TBC1D22B: variants seen among roughly 807,000 people sequenced by gnomAD.
TBC1D22B encodes TBC1 domain family member 22B.
TBC1D22B carries 32 observed loss-of-function variants against 69.1 expected under a neutral mutation model. That is an observed-to-expected ratio of 0.46 (90% CI 0.35 to 0.62). The LOEUF (loss-of-function observed/expected upper bound fraction) is 0.62. TBC1D22B is among the 20% of genes least tolerant of loss of function. TBC1D22B has a pLI of 0.00. For missense variants in TBC1D22B, 462 were observed against 630.9 expected (o/e 0.73, Z 2.87); for synonymous variants, 206 against 229.8 (o/e 0.90, Z 0.94).
intron 1 of TBC1D22B, among the ~76,000 whole-genome samples, chr6:37,261,387 G>A (rs57137816): frequency 0.031 from 4,595 of 148,260 alleles, 227 homozygotes; most frequent in African/African-American, 0.11. Context: ...AACTGAGATT[G>A]CGTCACTCCA....
At chr6:37,287,790 T>A (rs1767055244) in intron 7 of TBC1D22B, among the ~76,000 whole-genome samples, 2 of 152,228 alleles carry the variant, frequency 1.3e-5, no homozygotes, top group African/African-American at 4.8e-5. Flanking sequence ...GACACATGGG[T>A]TGCTTTCACC....
At chr6:37,306,711 C>G (rs556835277) in intron 8 of TBC1D22B, among the ~76,000 whole-genome samples, 4 of 152,200 alleles carry the variant, frequency 2.6e-5, no homozygotes, top group East Asian at 1.9e-4. Flanking sequence ...TAATTTTAAC[C>G]AGGGCATCAT....
At chr6:37,287,595 C>T (rs2622893) in intron 7 of TBC1D22B, among the ~76,000 whole-genome samples, 29,523 of 152,160 alleles carry the variant, frequency 0.19, 2,967 homozygotes, top group Non-Finnish European at 0.21. Flanking sequence ...AATTTGACTA[C>T]TCCAGGCAGC....
intron 4 of TBC1D22B, among the ~76,000 whole-genome samples, 177 bp from the exon 5 acceptor site, chr6:37,282,705 C>CCGT (rs1327863826): frequency 2.0e-5 from 3 of 152,176 alleles, no homozygotes; most frequent in African/African-American, 4.8e-5. Context: ...TACTGCAAGG[C>CCGT]CGTGTCCTTG....
At chr6:37,318,376 C>T (rs777364808) in intron 12 of TBC1D22B, among the ~76,000 whole-genome samples, 1 of 152,174 alleles carries the variant, frequency 6.6e-6, no homozygotes, top group Non-Finnish European at 1.5e-5. Flanking sequence ...GAGAAGGCTA[C>T]AGTGGGGACA....
intron 8 of TBC1D22B, among the ~76,000 whole-genome samples, chr6:37,291,656 G>A (rs1166945333): frequency 2.6e-5 from 4 of 152,242 alleles, no homozygotes; most frequent in East Asian, 1.9e-4. Context: ...ACTTGTTTCC[G>A]ACATAGGCCC....
At chr6:37,310,509 A>G (rs571606185) in intron 8 of TBC1D22B, among the ~76,000 whole-genome samples, 1 of 152,264 alleles carries the variant, frequency 6.6e-6, no homozygotes, top group East Asian at 1.9e-4. Flanking sequence ...TCGCTACTGA[A>G]AATACAAAAT....
chr6:37,277,991 G>C (rs1011914140), intron 2 of TBC1D22B, among the ~76,000 whole-genome samples: 2 of 151,764 alleles, frequency 1.3e-5, no homozygotes, highest in Non-Finnish European at 2.9e-5. Context: ...AGACATGGTG[G>C]TGTGCGCCTA....
In TBC1D22B at chr6:37,326,659, A is replaced by AGG. The variant is rs1768413717; in HGVS notation, c.1390-4385_1390-4384insGG. On this transcript the variant is annotated intron_variant, in intron 12 of 12. Coordinates refer to ENST00000373491, the MANE Select transcript of TBC1D22B (RefSeq NM_017772.4). ...AACAATTAACCAGGCATGGTGGCTC[A>AGG]TGCCTGTAGTCCCAGCTACTCAGGA... 9.2e-5 allele frequency among the ~76,000 whole-genome samples: 14 copies of AGG among 151,508 alleles called. No homozygotes were observed. The South Asian group carries it at 2.7e-3, about 29-fold the overall frequency.
intron 1 of TBC1D22B, among the ~76,000 whole-genome samples, chr6:37,265,198 G>A (rs111603558): frequency 6.6e-6 from 1 of 152,198 alleles, no homozygotes; most frequent in Non-Finnish European, 1.5e-5. Flanking sequence ...TCCTGGCTAT[G>A]CCAGCACCTT....
chr6:37,268,092 T>C (rs1002825027), intron 1 of TBC1D22B, among the ~76,000 whole-genome samples: 2 of 152,254 alleles, frequency 1.3e-5, no homozygotes, highest in South Asian at 2.1e-4. Context: ...GTTTGTTCTC[T>C]CACAGCTTCT....
At chr6:37,258,059 A>G in intron 1 of TBC1D22B, 86 bp downstream of exon 1, 4 of 1,479,130 alleles carry the variant, frequency 2.7e-6, no homozygotes, top group Non-Finnish European at 3.7e-6. Flanking sequence ...CTGGGGCGCC[A>G]CAGAGGCCAG....
intron 2 of TBC1D22B, among the ~76,000 whole-genome samples, chr6:37,276,950 A>G (rs546978589): frequency 6.6e-6 from 1 of 152,320 alleles, no homozygotes; most frequent in South Asian, 2.1e-4. Context: ...TAAAAAGCGT[A>G]TGAAGAAAAA....
chr6:37,308,373 C>T (rs1355305176), intron 8 of TBC1D22B, among the ~76,000 whole-genome samples: 1 of 152,172 alleles, frequency 6.6e-6, no homozygotes, highest in African/African-American at 2.4e-5. Context: ...AGCATTTGCT[C>T]CTCCCTTTCT....
chr6:37,302,546 A>G (rs760369174), intron 8 of TBC1D22B, among the ~76,000 whole-genome samples: 1 of 152,208 alleles, frequency 6.6e-6, no homozygotes, highest in African/African-American at 2.4e-5. Flanking sequence ...GATGTTTCCT[A>G]TTTTCAAAAG....
chr6:37,292,133 A>G (rs1156839560), intron 8 of TBC1D22B, among the ~76,000 whole-genome samples: 29 of 152,236 alleles, frequency 1.9e-4, no homozygotes, highest in Non-Finnish European at 4.4e-5. Flanking sequence ...TTAGAAAGCC[A>G]TTCATGTAAT....
intron 1 of TBC1D22B, among the ~76,000 whole-genome samples, chr6:37,267,457 T>C (rs111654533): frequency 1.0e-4 from 14 of 138,042 alleles, no homozygotes; most frequent in East Asian, 2.0e-4. Context: ...AATATATATA[T>C]ACACATATAT....
chr6:37,310,531 A>G (rs1314869157), intron 8 of TBC1D22B, among the ~76,000 whole-genome samples: 3 of 152,170 alleles, frequency 2.0e-5, no homozygotes, highest in Admixed American at 6.5e-5. Flanking sequence ...AGCCAGGCAT[A>G]GTGGCTCATG....
At chr6:37,281,489 G>C (rs1766827282) in intron 3 of TBC1D22B, among the ~76,000 whole-genome samples, 1 of 152,248 alleles carries the variant, frequency 6.6e-6, no homozygotes, top group Admixed American at 6.5e-5. Context: ...GGTGGGAAAT[G>C]TAGGAGCACA....
Sources: allele counts gnomAD v4.1 joint callset (sites outside exome capture counted in the v4.1 genomes callset), GRCh38; gene constraint gnomAD v4.1.1; transcripts MANE v1.5; gene names NCBI Gene and HGNC (gene_info 2026-07-23, HGNC 2026-07-21).